Variants in VPS13D observed in about 807,000 individuals in gnomAD.
VPS13D encodes the protein intermembrane lipid transfer protein VPS13D.
In VPS13D, 187 loss-of-function variants were observed where a neutral mutation model predicts 461.9. That is an observed-to-expected ratio of 0.40 (90% CI 0.36 to 0.46). The LOEUF (loss-of-function observed/expected upper bound fraction) is 0.46, where lower values mean the gene tolerates loss of function less well. Among genes scored for constraint, VPS13D ranks in the 20% least tolerant of loss-of-function variants. The pLI is 0.60. For synonymous variants in VPS13D, 1,951 were observed against 1,986.3 expected, an observed-to-expected ratio of 0.98 and a Z score of 0.47; for missense variants, 4,711 against 5,364.9, an observed-to-expected ratio of 0.88 and a Z score of 3.81.
rs140420017 is a variant in VPS13D, at chr1:12,252,298, T to G, written c.565-1424T>G. 2.2e-3 allele frequency among the ~76,000 whole-genome samples: 334 copies of G among 152,256 alleles called. 1 individual carries two copies. The highest frequency in any genetic ancestry group is 6.6e-3 in the South Asian group (32 of 4,822). On this transcript the variant is annotated intron_variant, in intron 6 of 69. Transcript: ENST00000620676. ...CTACTTTTCTCAACTCTTAGCTAAC[T>G]CCTCATCCCAAATATGTATTCATCC...
At chr1:12,319,192 C>T (rs888331156) in intron 31 of VPS13D, among the ~76,000 whole-genome samples, 4 of 152,190 alleles carry the variant, frequency 2.6e-5, no homozygotes, top group African/African-American at 9.7e-5. Context: ...TTCTGAATAT[C>T]TCCTAGGCCT....
chr1:12,301,979 TAG>T (rs1351301349), intron 25 of VPS13D, among the ~76,000 whole-genome samples: 1 of 152,186 alleles, frequency 6.6e-6, no homozygotes, highest in Non-Finnish European at 1.5e-5. Context: ...GTGATCATCA[TAG>T]AGTGTCCTTA....
chr1:12,235,853 C>G (rs1269516779), intron 2 of VPS13D, among the ~76,000 whole-genome samples: 1 of 152,194 alleles, frequency 6.6e-6, no homozygotes, highest in African/African-American at 2.4e-5. Flanking sequence ...CACTGTGAAG[C>G]TAACTACGTT....
At chr1:12,406,384 C>T (rs1175186125) in intron 63 of VPS13D, among the ~76,000 whole-genome samples, 5 of 152,164 alleles carry the variant, frequency 3.3e-5, no homozygotes, top group Non-Finnish European at 7.3e-5. Context: ...AAAATGGAGT[C>T]CTGTCCCTGA....
At chr1:12,269,195 T>G (rs1037582433) in intron 16 of VPS13D, among the ~76,000 whole-genome samples, 1 of 152,226 alleles carries the variant, frequency 6.6e-6, no homozygotes, top group African/African-American at 2.4e-5. Flanking sequence ...CACCAAAGAA[T>G]AGCAGCTGTA....
intron 50 of VPS13D, 55 bp from the exon 51 acceptor site, chr1:12,362,665 C>T: frequency 1.9e-6 from 3 of 1,556,938 alleles, no homozygotes; most frequent in Non-Finnish European, 2.6e-6. Context: ...TTTGTCAGAC[C>T]AAGAGTTTTC....
intron 39 of VPS13D, chr1:12,337,031 T>G (rs533613404): frequency 2.0e-5 from 3 of 152,174 alleles, no homozygotes; most frequent in Non-Finnish European, 4.4e-5. Context: ...TCTTCTTTCC[T>G]TCTTCCCTCC....
At chr1:12,263,995 T>C (rs967436423) in intron 13 of VPS13D, among the ~76,000 whole-genome samples, 14 of 152,260 alleles carry the variant, frequency 9.2e-5, no homozygotes, top group African/African-American at 3.1e-4. Context: ...GTGCTCACTT[T>C]GTGTCTCTGT....
chr1:12,378,733 A>T (rs1421156486), intron 56 of VPS13D, 142 bp downstream of exon 56: 1 of 863,872 alleles, frequency 1.2e-6, no homozygotes, highest in African/African-American at 1.8e-5. Flanking sequence ...CATATTCCCA[A>T]ATATGAGTAT....
chr1:12,350,811 G>GA (rs1430290206), intron 46 of VPS13D, among the ~76,000 whole-genome samples: 14 of 152,000 alleles, frequency 9.2e-5, no homozygotes, highest in African/African-American at 3.4e-4. Flanking sequence ...CTTGCTGAAG[G>GA]AGAAAAGACA....
chr1:12,424,288 A>G (rs960623823), intron 65 of VPS13D, among the ~76,000 whole-genome samples: 2 of 152,208 alleles, frequency 1.3e-5, no homozygotes, highest in Non-Finnish European at 2.9e-5. Flanking sequence ...TACATAGGGA[A>G]ATGACTCAAA....
chr1:12,249,396 G>A lies in VPS13D; in HGVS notation c.564+57G>A. 4 of 1,443,292 alleles carry A rather than the reference G, an allele frequency of 2.8e-6. No homozygotes were observed. The South Asian group carries it at 3.7e-5, about 13-fold the overall frequency. The allele number at this position is 1,443,292 out of a possible 1,614,324, so 89.4% of individuals were successfully genotyped here. On this transcript the variant is annotated intron_variant, in intron 6 of 69. Transcript: ENST00000620676. ...GAAAGCCATGCTCTAGGAATCTGGG[G>A]CTCTGCCTTTTGCCATTTTGTGTTA...
chr1:12,256,956 A>G (rs1233668131), intron 8 of VPS13D, 31 bp from the exon 9 acceptor site: 2 of 1,607,934 alleles, frequency 1.2e-6, no homozygotes, highest in Non-Finnish European at 1.7e-6. Flanking sequence ...AACCTATTCT[A>G]ACCTAGTATC....
rs574030965 is a variant in VPS13D at position 12,299,881 on chromosome 1, G to A, written c.6216+497G>A. ...CATCTGTACAGTATATTGCTTTACA[G>A]TTTTAAATTACTGTGGCACCTTTTT... On this transcript the variant is annotated intron_variant, in intron 25 of 69. Coordinates refer to ENST00000620676, the MANE Select transcript of VPS13D (RefSeq NM_015378.4). This position sits in a 1 kb window ranked among gnomAD's most constrained non-coding sequence, Gnocchi z 4.2. Among the ~76,000 whole-genome samples the A allele has an allele frequency of 6.8e-6, 1 of 146,938 alleles. No individual in the cohort carries two copies. Among genetic ancestry groups the A allele is most frequent in the South Asian group, 2.2e-4 (1 of 4,636 alleles).
chr1:12,378,538 C>T lies in VPS13D; in HGVS notation c.11028C>T (p.Thr3676=), dbSNP rs748211265. The T allele has an allele frequency of 1.6e-5, 26 of 1,610,950 alleles. 1 individual carries two copies. Among genetic ancestry groups the T allele is most frequent in the Middle Eastern group, 1.6e-4 (1 of 6,076 alleles). The change falls in exon 56 of 70, where the codon ACC becomes ACT. Residue 3676 remains threonine, a synonymous_variant. Transcript: ENST00000620676. ...NPNKPSAARS[T]EGSAILDIAG... ...ATAAGCCCTCAGCCGCCCGCTCCAC[C>T]GAGGGGTCTGCCATCTTAGATATTG...
intron 60 of VPS13D, among the ~76,000 whole-genome samples, chr1:12,393,574 G>A (rs1017725858): frequency 6.6e-6 from 1 of 152,220 alleles, no homozygotes; most frequent in African/African-American, 2.4e-5. Flanking sequence ...AGATCCATCT[G>A]TCTTCTGCAC....
At position 12,502,494 on chromosome 1, in the gene VPS13D, C is replaced by T. The variant is rs1289452653; in HGVS notation, c.12795-4359C>T. ...GCCTGGCACTCAGAGCGACACTGGGCCCAGACATGGAGTCAGGGCCATAGG... is the reference window on the plus strand; with the variant it reads ...GCCTGGCACTCAGAGCGACACTGGGTCCAGACATGGAGTCAGGGCCATAGG... On this transcript the variant is annotated intron_variant, in intron 68 of 69. Coordinates refer to ENST00000620676, the MANE Select transcript of VPS13D (RefSeq NM_015378.4). The surrounding 1 kb of genome is among the most constrained non-coding windows in gnomAD (Gnocchi z 4.3). 1.3e-5 allele frequency among the ~76,000 whole-genome samples: 2 copies of T among 152,180 alleles called. No homozygotes were observed. The highest frequency in any genetic ancestry group is 2.1e-4 in the South Asian group (1 of 4,818).
intron 67 of VPS13D, among the ~76,000 whole-genome samples, chr1:12,488,164 A>G (rs1176172936): frequency 1.3e-5 from 2 of 152,250 alleles, no homozygotes; most frequent in African/African-American, 4.8e-5. Flanking sequence ...TCCAGATACA[A>G]TTTTAAATAC....
In VPS13D at chr1:12,363,030, A is replaced by G. The variant is rs752511740; in HGVS notation, c.10273-42A>G. 6 of 1,607,354 alleles carry G rather than the reference A, an allele frequency of 3.7e-6. No individual in the cohort carries two copies. In the South Asian group the frequency reaches 5.6e-5, roughly 15 times the overall value. ...GTACTCAGTAACACTTATTGTCATGAATCGACTTGTTGACTAAAGCCTGTG... is the reference window on the plus strand; with the variant it reads ...GTACTCAGTAACACTTATTGTCATGGATCGACTTGTTGACTAAAGCCTGTG... On this transcript the variant is annotated intron_variant, in intron 51 of 69. Transcript: ENST00000620676.
Sources: gnomAD v4.1 joint callset for allele counts (sites outside exome capture counted in the v4.1 genomes callset) on GRCh38, gnomAD v4.1.1 for gene constraint, Gnocchi (gnomAD v3.1) non-coding constraint, MANE v1.5 for transcripts, NCBI Gene and HGNC (gene_info 2026-07-23, HGNC 2026-07-21) for gene names.